The following FRMPD4 variants were observed in gnomAD, a reference collection of about 807,000 sequenced individuals.
FRMPD4 encodes FERM and PDZ domain-containing protein 4.
A neutral mutation model predicts 94.1 loss-of-function variants in FRMPD4; 22 were observed. That is an observed-to-expected ratio of 0.23 (90% CI 0.17 to 0.33). The LOEUF is 0.33. Ranked by LOEUF, FRMPD4 falls within the 10% of genes least tolerant of loss-of-function variation. FRMPD4 has a pLI of 1.00. For missense variants in FRMPD4, 1,111 were observed against 1,339.9 expected, an observed-to-expected ratio of 0.83 and a Z score of 2.67; for synonymous variants, 631 against 548.6, an observed-to-expected ratio of 1.15 and a Z score of -2.10.
At chrX:12,463,681 G>GTGTGTTTTTTTTTT (rs1555969426) in intron 1 of FRMPD4, among the ~76,000 whole-genome samples, 1 of 51,046 alleles carries the variant, frequency 2.0e-5, no homozygotes, top group African/African-American at 8.6e-5. Flanking sequence ...CTATGTGTGT[G>GTGTGTTTTTTTTTT]TTTTTTTTTT....
intron 1 of FRMPD4, among the ~76,000 whole-genome samples, chrX:12,191,309 A>T (rs1420756114): frequency 8.9e-6 from 1 of 112,205 alleles, no homozygotes; most frequent in Non-Finnish European, 1.9e-5. Flanking sequence ...ATGCAGAATG[A>T]TACAGCCACT....
chrX:12,155,947 A>G (rs1225776746), intron 1 of FRMPD4, among the ~76,000 whole-genome samples: 1 of 112,120 alleles, frequency 8.9e-6, no homozygotes, highest in African/African-American at 3.2e-5. Context: ...TACTGAGTTG[A>G]GTAGTTGCAA....
chrX:12,304,333 G>A (rs746416163), intron 1 of FRMPD4, among the ~76,000 whole-genome samples: 1 of 110,986 alleles, frequency 9.0e-6, no homozygotes, highest in South Asian at 3.8e-4. Flanking sequence ...TGACATTAGA[G>A]GCTTGATAAT....
At chrX:12,678,793 C>G (rs1441867482) in intron 5 of FRMPD4, among the ~76,000 whole-genome samples, 1 of 112,218 alleles carries the variant, frequency 8.9e-6, no homozygotes, top group African/African-American at 3.2e-5. Flanking sequence ...CCATTGCACT[C>G]CACCCTGGGC....
chrX:12,183,100 G>A (rs2056380967), intron 1 of FRMPD4, among the ~76,000 whole-genome samples: 1 of 89,577 alleles, frequency 1.1e-5, no homozygotes, highest in African/African-American at 3.9e-5. Context: ...TCTATAAAAT[G>A]TCATTGTTGC....
chrX:12,145,451 G>A (rs758522219), intron 1 of FRMPD4, among the ~76,000 whole-genome samples: 1 of 112,778 alleles, frequency 8.9e-6, no homozygotes, highest in South Asian at 3.7e-4. Context: ...CAGCTATACA[G>A]TGGTGGAGTC....
At chrX:12,490,157 G>A (rs1248641459) in intron 1 of FRMPD4, among the ~76,000 whole-genome samples, 2 of 111,271 alleles carry the variant, frequency 1.8e-5, no homozygotes, top group Non-Finnish European at 3.8e-5. Flanking sequence ...TATGCAGTAC[G>A]AGACTGACCA....
chrX:12,582,537 C>T (rs985421171), intron 2 of FRMPD4, among the ~76,000 whole-genome samples: 5 of 111,454 alleles, frequency 4.5e-5, no homozygotes, highest in Non-Finnish European at 9.4e-5. Flanking sequence ...GGAGGCAGGA[C>T]AGGGAAGGGA....
intron 1 of FRMPD4, among the ~76,000 whole-genome samples, chrX:12,222,106 G>A (rs2056875029): frequency 8.9e-6 from 1 of 111,789 alleles, no homozygotes; most frequent in Non-Finnish European, 1.9e-5. Flanking sequence ...GCCAAAGAGG[G>A]ACGATTGCTT....
intron 4 of FRMPD4, among the ~76,000 whole-genome samples, chrX:12,666,005 T>C (rs1192376719): frequency 9.1e-6 from 1 of 109,902 alleles, no homozygotes; most frequent in Non-Finnish European, 1.9e-5. Flanking sequence ...TCAAGACCCA[T>C]CGGTGTGCTG....
chrX:12,345,131 AGGATGGATGGATGGATGGATGGAT>A (rs372484963), intron 1 of FRMPD4, among the ~76,000 whole-genome samples: 2 of 97,548 alleles, frequency 2.1e-5, no homozygotes, highest in African/African-American at 3.9e-5. Context: ...GACAAATGAA[AGGATGGATGGATGGATGGATGGAT>A]GGATGGATGG....
chrX:12,646,714 C>T (rs1048359435), intron 4 of FRMPD4, among the ~76,000 whole-genome samples: 2 of 112,169 alleles, frequency 1.8e-5, no homozygotes, highest in African/African-American at 3.2e-5. Context: ...ACATTGTCTT[C>T]GAATTGAAGC....
At position 12,716,350 on chromosome X, in the gene FRMPD4, T is replaced by C. The variant is rs371459842; in HGVS notation, c.1891T>C (p.Leu631=). 3.4e-5 allele frequency: 41 copies of C among 1,209,996 alleles called. No homozygotes were observed. In the South Asian group the frequency reaches 3.7e-4, roughly 11 times the overall value. The change falls in exon 15 of 17, where the codon TTG becomes CTG. Residue 631 remains leucine, a synonymous_variant. Transcript: ENST00000675598. ...DYRSLAQRSL[L]TLSGPETLKK... Reference sequence around the variant, plus strand: ...CAGAAGTCTAGCTCAGCGGTCCCTATTGACCCTCTCAGGACCAGAAACTCT... The same window carrying C: ...CAGAAGTCTAGCTCAGCGGTCCCTACTGACCCTCTCAGGACCAGAAACTCT...
chrX:12,291,644 A>G (rs1214625776), intron 1 of FRMPD4, among the ~76,000 whole-genome samples: 2 of 111,865 alleles, frequency 1.8e-5, no homozygotes, highest in Non-Finnish European at 3.8e-5. Flanking sequence ...TCCTGAAACC[A>G]GTCAGTGGTA....
At chrX:12,184,872 G>A (rs996805204) in intron 1 of FRMPD4, among the ~76,000 whole-genome samples, 1 of 111,131 alleles carries the variant, frequency 9.0e-6, no homozygotes, top group Non-Finnish European at 1.9e-5. Context: ...GGCGACGTAG[G>A]GATGGTTAAT....
chrX:12,440,112 A>AG (rs1257896445), intron 1 of FRMPD4, among the ~76,000 whole-genome samples: 1 of 111,696 alleles, frequency 9.0e-6, no homozygotes, highest in African/African-American at 3.3e-5. Context: ...TAAGGTTATC[A>AG]AATTTAGAAA....
chrX:12,042,768 G>T (rs1182204784), intron 3 of FRMPD4, among the ~76,000 whole-genome samples: 1 of 111,943 alleles, frequency 8.9e-6, no homozygotes, highest in African/African-American at 3.2e-5. Flanking sequence ...ATGTCCTTGT[G>T]AAATTTGTGG....
chrX:12,250,635 GTTTC>G (rs1196531030), intron 1 of FRMPD4, among the ~76,000 whole-genome samples: 1 of 112,025 alleles, frequency 8.9e-6, no homozygotes, highest in Non-Finnish European at 1.9e-5. Context: ...TAAATGGACA[GTTTC>G]TTTATCTCCG....
intron 3 of FRMPD4, among the ~76,000 whole-genome samples, chrX:12,079,178 A>T (rs1369799766): frequency 9.0e-6 from 1 of 110,782 alleles, no homozygotes; most frequent in East Asian, 2.8e-4. Context: ...TCTGTAAAAT[A>T]TGTATATTTT....
Sources: allele counts gnomAD v4.1 joint callset (sites outside exome capture counted in the v4.1 genomes callset), GRCh38; gene constraint gnomAD v4.1.1; transcripts MANE v1.5; gene names NCBI Gene and HGNC (gene_info 2026-07-23, HGNC 2026-07-21).